The following PTPRE variants were observed in gnomAD, a reference collection of about 807,000 sequenced individuals.
The protein encoded by PTPRE is receptor-type tyrosine-protein phosphatase epsilon.
A neutral mutation model predicts 102.0 loss-of-function variants in PTPRE; 51 were observed. The observed-to-expected ratio is 0.50, with a 90% CI of 0.40 to 0.63. PTPRE has a LOEUF of 0.63. PTPRE is among the 30% of genes least tolerant of loss of function. PTPRE has a pLI of 0.00. For missense variants in PTPRE, 752 were observed against 915.1 expected (o/e 0.82, Z 2.30); for synonymous variants, 345 against 348.2 (o/e 0.99, Z 0.10).
chr10:127,935,589 C>G (rs919213496), intron 1 of PTPRE, among the ~76,000 whole-genome samples: 4 of 152,110 alleles, frequency 2.6e-5, no homozygotes. Context: ...CTTTCATCTC[C>G]CTGGCAGGAC....
chr10:127,978,884 G>A (rs1444400574), intron 1 of PTPRE, among the ~76,000 whole-genome samples: 1 of 152,098 alleles, frequency 6.6e-6, no homozygotes, highest in Non-Finnish European at 1.5e-5. Flanking sequence ...AGCCAGGTGT[G>A]GTGGTGTGTG....
Position 128,085,276 on chromosome 10 carries a change from A to G in PTPRE, c.*2370A>G. The G allele has an allele frequency of 6.3e-6, 2 of 314,964 alleles. No homozygotes were observed. The highest frequency in any genetic ancestry group is 1.3e-5 in the Non-Finnish European group (2 of 153,984). 19.5% of individuals were successfully genotyped at this position (314,964 alleles called of 1,614,324 possible). ...TCAGAATCTTCTCCGTGCAACCTGG[A>G]AAGTTCATCTCTTGTTTCCTTCAGT... is the stretch of plus-strand genomic sequence containing the variant. On this transcript the variant is annotated 3_prime_UTR_variant, in exon 21 of 21. Transcript: ENST00000254667.
At chr10:128,019,341 G>A (rs943947189) in intron 2 of PTPRE, among the ~76,000 whole-genome samples, 2 of 152,344 alleles carry the variant, frequency 1.3e-5, no homozygotes, top group South Asian at 2.1e-4. Flanking sequence ...CGGGTGGATC[G>A]TGTAGGCTGA....
chr10:128,000,642 T>C (rs1200113063), intron 2 of PTPRE, among the ~76,000 whole-genome samples: 1 of 152,226 alleles, frequency 6.6e-6, no homozygotes, highest in East Asian at 1.9e-4. Flanking sequence ...ATGAATTGGT[T>C]TTGATACTTA....
intron 1 of PTPRE, among the ~76,000 whole-genome samples, chr10:127,933,448 T>C (rs1357664628): frequency 1.3e-5 from 2 of 152,230 alleles, no homozygotes; most frequent in Non-Finnish European, 1.5e-5. Flanking sequence ...TAAATTAAGA[T>C]AATTTTCTCT....
chr10:127,963,202 G>A (rs1343297499), intron 1 of PTPRE, among the ~76,000 whole-genome samples: 1 of 152,072 alleles, frequency 6.6e-6, no homozygotes, highest in Non-Finnish European at 1.5e-5. Flanking sequence ...GATCACAGCT[G>A]AGGGCCTGCA....
At chr10:127,964,913 A>G (rs1018988940) in intron 1 of PTPRE, 4 of 441,696 alleles carry the variant, frequency 9.1e-6, no homozygotes, top group African/African-American at 2.0e-5. Flanking sequence ...CTGGAAGGTC[A>G]GGGAGTTCCC....
chr10:128,077,937 GACTTC>G lies in PTPRE; in HGVS notation c.1892+159_1892+163del, dbSNP rs777439637. Among the ~76,000 whole-genome samples, 20 of 152,288 alleles carry G rather than the reference GACTTC, an allele frequency of 1.3e-4. No homozygotes were observed. The East Asian group carries it at 2.3e-3, about 18-fold the overall frequency. On this transcript the variant is annotated intron_variant, in intron 19 of 20. Coordinates refer to ENST00000254667, the MANE Select transcript of PTPRE (RefSeq NM_006504.6). ...CCTCTCCTTACACACATGCACACAC[GACTTC>G]ACTTAAGTACATACATGTCATCGTA...
At position 128,073,545 on chromosome 10, in the gene PTPRE, A is replaced by G; in HGVS notation, c.1599+74A>G. The G allele has an allele frequency of 3.3e-6, 5 of 1,523,992 alleles. No individual in the cohort carries two copies. In the South Asian group the frequency reaches 6.2e-5, roughly 19 times the overall value. The allele number at this position is 1,523,992 out of a possible 1,614,324, so 94.4% of individuals were successfully genotyped here. ...GAGGCACTGTCCCCGTTCATTACAA[A>G]TGTCCCACCTGCCATCACTGCAAAC... is the stretch of plus-strand genomic sequence containing the variant. On this transcript the variant is annotated intron_variant, in intron 17 of 20. Transcript: ENST00000254667.
intron 1 of PTPRE, among the ~76,000 whole-genome samples, chr10:127,981,856 T>A (rs1415488667): frequency 1.6e-4 from 25 of 151,814 alleles, no homozygotes; most frequent in Non-Finnish European, 5.9e-5. Flanking sequence ...ATGGAATTGA[T>A]CAGGCTAGAT....
intron 19 of PTPRE, among the ~76,000 whole-genome samples, chr10:128,078,167 TG>T (rs147229434): frequency 0.022 from 3,307 of 152,236 alleles, 108 homozygotes; most frequent in African/African-American, 0.074. Context: ...TGGGCTGCAT[TG>T]GCCTACACCC....
intron 5 of PTPRE, among the ~76,000 whole-genome samples, chr10:128,048,531 C>G (rs527408240): frequency 2.6e-5 from 4 of 152,108 alleles, no homozygotes; most frequent in Non-Finnish European, 5.9e-5. Flanking sequence ...TAAAACGGAC[C>G]CTTAGATCAT....
intron 6 of PTPRE, among the ~76,000 whole-genome samples, chr10:128,055,129 T>G (rs542852764): frequency 6.6e-6 from 1 of 152,250 alleles, no homozygotes; most frequent in South Asian, 2.1e-4. Flanking sequence ...AGACACTCAG[T>G]GCATATTCAT....
chr10:128,021,905 T>C (rs1384654483), intron 2 of PTPRE, among the ~76,000 whole-genome samples: 1 of 152,260 alleles, frequency 6.6e-6, no homozygotes, highest in Non-Finnish European at 1.5e-5. Flanking sequence ...TCTTCATTCC[T>C]GTTCGAGGCT....
Position 128,002,078 on chromosome 10 carries a change from C to T in PTPRE, c.-8+19782C>T, listed in dbSNP as rs1039713847. 8.5e-5 allele frequency among the ~76,000 whole-genome samples: 13 copies of T among 152,268 alleles called. No homozygotes were observed. In the South Asian group the frequency reaches 1.0e-3, roughly 12 times the overall value. On this transcript the variant is annotated intron_variant, in intron 2 of 20. Transcript: ENST00000254667. ...CTGCCTCGGGAGCACAGATCCAGGCCGTGCCGAGGCAGGACTGTGAGCCCC... is the reference window on the plus strand; with the variant it reads ...CTGCCTCGGGAGCACAGATCCAGGCTGTGCCGAGGCAGGACTGTGAGCCCC...
chr10:127,981,168 C>A (rs1272912630), intron 1 of PTPRE, among the ~76,000 whole-genome samples: 1 of 152,132 alleles, frequency 6.6e-6, no homozygotes, highest in Admixed American at 6.5e-5. Context: ...AGGGATAAAT[C>A]TCAAAAAATA....
At chr10:128,007,425 T>C (rs938755459) in intron 2 of PTPRE, among the ~76,000 whole-genome samples, 13 of 152,304 alleles carry the variant, frequency 8.5e-5, no homozygotes, top group Admixed American at 2.6e-4. Context: ...AAATAATCCA[T>C]GGATATTATT....
intron 1 of PTPRE, among the ~76,000 whole-genome samples, chr10:127,976,800 T>A (rs1403556653): frequency 6.6e-6 from 1 of 152,220 alleles, no homozygotes; most frequent in African/African-American, 2.4e-5. Context: ...TTAACAGCTT[T>A]ACTGTTGCCT....
chr10:127,982,498 G>A (rs1414360800), intron 2 of PTPRE, among the ~76,000 whole-genome samples: 65 of 72,558 alleles, frequency 9.0e-4, no homozygotes, highest in African/African-American at 4.2e-3. Context: ...GCGTGTGTGT[G>A]TGTGTGTGTG....
Sources: allele counts gnomAD v4.1 joint callset (sites outside exome capture counted in the v4.1 genomes callset), GRCh38; gene constraint gnomAD v4.1.1; transcripts MANE v1.5; gene names NCBI Gene and HGNC (gene_info 2026-07-23, HGNC 2026-07-21).